Variants in DLD observed in about 807,000 individuals in gnomAD.
DLD encodes the protein dihydrolipoyl dehydrogenase, mitochondrial.
In DLD, 36 loss-of-function variants were observed where a neutral mutation model predicts 62.2. The ratio of observed to expected loss-of-function variants is 0.58; its 90% CI spans 0.44 to 0.76. The LOEUF (loss-of-function observed/expected upper bound fraction) is 0.76. Ranked by LOEUF, DLD falls within the 30% of genes least tolerant of loss-of-function variation. The pLI, the probability that DLD is intolerant of heterozygous loss-of-function variation, is 0.00. For synonymous variants in DLD, 204 were observed against 199.6 expected (o/e 1.02, Z -0.19); for missense variants, 541 against 608.6 (o/e 0.89, Z 1.17).
chr7:107,898,270 C>CTTTT (rs67913323), intron 2 of DLD, among the ~76,000 whole-genome samples: 15 of 65,552 alleles, frequency 2.3e-4, no homozygotes, highest in African/African-American at 6.5e-4. Flanking sequence ...TTTCTGTATC[C>CTTTT]TTTTTTTTTT....
chr7:107,911,059 T>C (rs1482535638), intron 8 of DLD, among the ~76,000 whole-genome samples: 4 of 152,204 alleles, frequency 2.6e-5, no homozygotes, highest in African/African-American at 4.8e-5. Flanking sequence ...TTTTAGTATA[T>C]TCATAGAGTT....
chr7:107,897,816 T>A (rs777793269), intron 2 of DLD, among the ~76,000 whole-genome samples: 7 of 152,064 alleles, frequency 4.6e-5, no homozygotes, highest in Non-Finnish European at 1.0e-4. Flanking sequence ...TGACCTCAAG[T>A]GATCCACCCG....
In DLD at chr7:107,918,906, T is replaced by G. The variant is rs764246614; in HGVS notation, c.1375-104T>G. On this transcript the variant is annotated intron_variant, in intron 12 of 13. Coordinates refer to ENST00000205402, the MANE Select transcript of DLD (RefSeq NM_000108.5). ...TTCTTCAACTGATAAAGAAACAGAT[T>G]TAAGGCGTTTTTAAGATCTAAAAGC... 17 of 916,202 alleles carry G rather than the reference T, an allele frequency of 1.9e-5. No homozygotes were observed. In the Admixed American group the frequency reaches 2.1e-4, roughly 11 times the overall value. The allele number at this position is 916,202 out of a possible 1,614,324, so 56.8% of individuals were successfully genotyped here.
chr7:107,905,971 AT>A (rs1240592585), intron 7 of DLD, among the ~76,000 whole-genome samples: 1 of 152,134 alleles, frequency 6.6e-6, no homozygotes, highest in Non-Finnish European at 1.5e-5. Flanking sequence ...ATGACATAGT[AT>A]TTGCATATAA....
rs1408426957 is a variant in DLD, at chr7:107,906,381, T to A, written c.684+13T>A. On this transcript the variant is annotated intron_variant, in intron 8 of 13. Coordinates refer to ENST00000205402, the MANE Select transcript of DLD (RefSeq NM_000108.5). ...AGGTGTAGAATTGGTAAGTGTTGTC[T>A]TTCTGCCTCTTATTACCTCCTTGGA... 1 of 1,533,344 alleles carries A rather than the reference T, an allele frequency of 6.5e-7. No individual in the cohort carries two copies. The highest frequency in any genetic ancestry group is 9.0e-7 in the Non-Finnish European group (1 of 1,106,970). 95.0% of individuals were successfully genotyped at this position (1,533,344 alleles called of 1,614,324 possible).
chr7:107,903,137 G>T (rs774793394), intron 4 of DLD, among the ~76,000 whole-genome samples: 3 of 152,108 alleles, frequency 2.0e-5, no homozygotes, highest in African/African-American at 4.8e-5. Context: ...GGTGGCTCAC[G>T]TCTGTAATCC....
intron 10 of DLD, 96 bp downstream of exon 10, chr7:107,917,060 G>A: frequency 1.5e-6 from 2 of 1,326,922 alleles, no homozygotes; most frequent in Non-Finnish European, 2.1e-6. Flanking sequence ...ATATGTATTG[G>A]CTTTGGGGAA....
intron 12 of DLD, among the ~76,000 whole-genome samples, chr7:107,918,748 T>G (rs548035805): frequency 6.6e-6 from 1 of 152,340 alleles, no homozygotes; most frequent in African/African-American, 2.4e-5. Context: ...ATTTTTGAGG[T>G]GAAGAAACTG....
intron 11 of DLD, 87 bp from the exon 12 acceptor site, chr7:107,917,827 CTTGGGATTTA>C: frequency 6.6e-7 from 1 of 1,517,784 alleles, no homozygotes; most frequent in Non-Finnish European, 9.1e-7. Flanking sequence ...CAATTCCCTT[CTTGGGATTTA>C]TTTTCTGAAC....
intron 11 of DLD, 112 bp downstream of exon 11, chr7:107,917,574 AT>A: frequency 9.2e-7 from 1 of 1,087,204 alleles, no homozygotes; most frequent in Non-Finnish European, 1.4e-6. Context: ...GCTGTGAAAT[AT>A]TGTTTAGCTT....
rs754681001 is a variant in DLD, at chr7:107,919,120, G to A, written c.1464+21G>A. The stretch of plus-strand genomic sequence containing the variant: ...ATCCGGTAATTATTAACAACATATA[G>A]AATTGATGGTTGCCTAAATTTTCTT... On this transcript the variant is annotated intron_variant, in intron 13 of 13. Transcript: ENST00000205402. The A allele has an allele frequency of 1.9e-6, 3 of 1,612,156 alleles. No individual in the cohort carries two copies. In the East Asian group the frequency reaches 6.7e-5, roughly 36 times the overall value.
At chr7:107,899,346 T>G (rs1420797587) in intron 2 of DLD, among the ~76,000 whole-genome samples, 1 of 150,858 alleles carries the variant, frequency 6.6e-6, no homozygotes, top group East Asian at 1.9e-4. Flanking sequence ...AGCTCTTGAA[T>G]TTTTGGTATT....
chr7:107,913,910 T>G (rs1215507808), intron 8 of DLD, among the ~76,000 whole-genome samples: 1 of 152,122 alleles, frequency 6.6e-6, no homozygotes, highest in African/African-American at 2.4e-5. Context: ...TATCCAGTTT[T>G]TTGAGGGTTT....
intron 2 of DLD, 23 bp from the exon 3 acceptor site, chr7:107,901,715 A>G: frequency 6.3e-7 from 1 of 1,599,090 alleles, no homozygotes; most frequent in Non-Finnish European, 8.6e-7. Context: ...TTACTATTTT[A>G]TATCAATTTG....
chr7:107,908,536 T>C (rs2032064229), intron 8 of DLD, among the ~76,000 whole-genome samples: 1 of 151,750 alleles, frequency 6.6e-6, no homozygotes, highest in Non-Finnish European at 1.5e-5. Flanking sequence ...GGCATGGTGG[T>C]GTGTGCCTGT....
rs2032306653 is a variant in DLD, at chr7:107,917,788, C to T, written c.1237-136C>T. On this transcript the variant is annotated intron_variant, in intron 11 of 13. Coordinates refer to ENST00000205402, the MANE Select transcript of DLD (RefSeq NM_000108.5). ...ATAGTTCATTAACCAGTCTTCTGGT[C>T]TTTCCTTTCCTTCTATGTGCTTTGC... 8 of 1,125,644 alleles carry T rather than the reference C, an allele frequency of 7.1e-6. No homozygotes were observed. In the South Asian group the frequency reaches 7.9e-5, roughly 11 times the overall value. The allele number at this position is 1,125,644 out of a possible 1,614,324, so 69.7% of individuals were successfully genotyped here. A position where few individuals can be genotyped will look rare whatever the true frequency, so the allele number is the denominator to read the frequency against.
intron 12 of DLD, 105 bp downstream of exon 12, chr7:107,918,166 C>A: frequency 7.6e-7 from 1 of 1,320,108 alleles, no homozygotes. Context: ...TCATTTCCAG[C>A]AAAACTTTGA....
chr7:107,912,289 A>T (rs1182609155), intron 8 of DLD, among the ~76,000 whole-genome samples: 1 of 151,902 alleles, frequency 6.6e-6, no homozygotes, highest in African/African-American at 2.4e-5. Flanking sequence ...TGCAGTAAAC[A>T]TAAAGCGCAG....
In DLD at chr7:107,921,155, A is replaced by G. The variant is rs1378353865; in HGVS notation, c.*1896A>G. On this transcript the variant is annotated 3_prime_UTR_variant, in exon 14 of 14. Coordinates refer to ENST00000205402, the MANE Select transcript of DLD (RefSeq NM_000108.5). ...AGTATGAGAATGCAAATTTATCTGT[A>G]TGGGGAATAAAGTCCTAGGAATAAA... 2 of 152,368 alleles carry G rather than the reference A, an allele frequency of 1.3e-5. No homozygotes were observed. The highest frequency in any genetic ancestry group is 2.9e-5 in the Non-Finnish European group (2 of 68,032). 9.4% of individuals were successfully genotyped at this position (152,368 alleles called of 1,614,324 possible). A position where few individuals can be genotyped will look rare whatever the true frequency, so the allele number is the denominator to read the frequency against.
Sources: gnomAD v4.1 joint callset for allele counts (sites outside exome capture counted in the v4.1 genomes callset) on GRCh38, gnomAD v4.1.1 for gene constraint, MANE v1.5 for transcripts, NCBI Gene and HGNC (gene_info 2026-07-23, HGNC 2026-07-21) for gene names.